The following ITSN1 variants were observed in gnomAD, a reference collection of about 807,000 sequenced individuals.
ITSN1 encodes the protein intersectin-1.
A neutral mutation model predicts 239.8 loss-of-function variants in ITSN1; 58 were observed. The ratio of observed to expected loss-of-function variants is 0.24; its 90% confidence interval spans 0.20 to 0.30. The LOEUF is 0.30. Ranked by LOEUF, ITSN1 falls within the 10% of genes least tolerant of loss-of-function variation. The probability of loss-of-function intolerance (pLI) is 1.00; values close to 1 mark genes in which losing one functional copy is unlikely to be tolerated. For missense variants in ITSN1, 1,558 were observed against 2,103.3 expected (o/e 0.74, Z 5.07); for synonymous variants, 780 against 770.8 (o/e 1.01, Z -0.20).
intron 1 of ITSN1, among the ~76,000 whole-genome samples, chr21:33,706,813 T>G (rs965633140): frequency 5.3e-5 from 8 of 152,120 alleles, no homozygotes; most frequent in South Asian, 4.2e-4. Context: ...ACCTCTGCCT[T>G]CTGGGTTCAA....
rs1216174168 is a variant in ITSN1, at chr21:33,818,451, G to C, written c.2912G>C (p.Gly971Ala). Residue 971 changes from glycine to alanine, a missense_variant, in exon 23 of 40, where the codon GGG (glycine) becomes GCG (alanine). By Grantham distance (60) the Gly-to-Ala change is moderately conservative. Transcript: ENST00000381318. ...FPKSYVKLIS[G>A]PIRKSTSMDS... Reference sequence around the variant, plus strand: ...AAGTCTTACGTGAAACTCATTTCAGGGCCCATAAGGAAGTCTACAAGGTAT... The same window carrying C: ...AAGTCTTACGTGAAACTCATTTCAGCGCCCATAAGGAAGTCTACAAGGTAT... 3.1e-6 allele frequency: 5 copies of C among 1,614,020 alleles called. No homozygotes were observed. Among genetic ancestry groups the C allele is most frequent in the Non-Finnish European group, 4.2e-6 (5 of 1,179,936 alleles).
intron 4 of ITSN1, among the ~76,000 whole-genome samples, chr21:33,725,896 A>C (rs2065804952): frequency 1.3e-5 from 2 of 152,246 alleles, no homozygotes; most frequent in Non-Finnish European, 2.9e-5. Flanking sequence ...TTATGAGTTT[A>C]GCAAGATCTG....
intron 27 of ITSN1, among the ~76,000 whole-genome samples, chr21:33,833,571 A>G (rs2074418849): frequency 6.6e-6 from 1 of 152,332 alleles, no homozygotes; most frequent in East Asian, 1.9e-4. Flanking sequence ...TGGCTCATAA[A>G]AAGTACTCAG....
intron 11 of ITSN1, among the ~76,000 whole-genome samples, chr21:33,771,840 A>T (rs2069186796): frequency 6.6e-6 from 1 of 152,182 alleles, no homozygotes; most frequent in Non-Finnish European, 1.5e-5. Flanking sequence ...ACTGCTAGAT[A>T]AGGATCTTTT....
intron 19 of ITSN1, among the ~76,000 whole-genome samples, chr21:33,800,307 A>G (rs2148070446): frequency 6.6e-6 from 1 of 151,888 alleles, no homozygotes; most frequent in Non-Finnish European, 1.5e-5. Flanking sequence ...GTGTATATAT[A>G]TGTGTATGTA....
intron 1 of ITSN1, among the ~76,000 whole-genome samples, chr21:33,655,744 C>G (rs1034803275): frequency 1.3e-5 from 2 of 151,986 alleles, no homozygotes; most frequent in African/African-American, 4.8e-5. Context: ...TGAAACAAGA[C>G]TCTAAAGTGT....
In ITSN1 at chr21:33,894,341, T is replaced by C. The variant is rs1986564439; in HGVS notation, c.*6041T>C. The C allele has an allele frequency of 1.3e-5, 2 of 152,250 alleles. No individual in the cohort carries two copies. The highest frequency in any genetic ancestry group is 6.5e-5 in the Admixed American group (1 of 15,280). 9.4% of individuals were successfully genotyped at this position (152,250 alleles called of 1,614,324 possible). A position where few individuals can be genotyped will look rare whatever the true frequency, so the allele number is the denominator to read the frequency against. On this transcript the variant is annotated 3_prime_UTR_variant, in exon 40 of 40. Transcript: ENST00000381318. ...TATTACACCCACATCATAATTTTTCTGACACTATGTGTGCTTGTCAAATTT... is the reference window on the plus strand; with the variant it reads ...TATTACACCCACATCATAATTTTTCCGACACTATGTGTGCTTGTCAAATTT...
chr21:33,655,853 A>G (rs1488047932), intron 1 of ITSN1, among the ~76,000 whole-genome samples: 1 of 152,124 alleles, frequency 6.6e-6, no homozygotes, highest in Non-Finnish European at 1.5e-5. Context: ...GTCATGTATC[A>G]GGAATCCTTA....
intron 1 of ITSN1, among the ~76,000 whole-genome samples, chr21:33,652,827 A>G (rs939608161): frequency 1.3e-5 from 2 of 152,042 alleles, no homozygotes; most frequent in African/African-American, 2.4e-5. Flanking sequence ...AGTTCCAGCA[A>G]TGTTTTGGTC....
chr21:33,867,430 C>G (rs73900386), intron 33 of ITSN1, 99 bp downstream of exon 33: 1 of 745,002 alleles, frequency 1.3e-6, no homozygotes, highest in Non-Finnish European at 2.4e-6. Flanking sequence ...TATCTGGTAA[C>G]TGTTGTGTAG....
At chr21:33,710,019 C>A (rs964678178) in intron 1 of ITSN1, among the ~76,000 whole-genome samples, 65 of 151,880 alleles carry the variant, frequency 4.3e-4, no homozygotes, top group South Asian at 1.0e-3. Context: ...GTTCATGGAT[C>A]CCCTATATCT....
At chr21:33,812,237 A>T (rs1245404223) in intron 21 of ITSN1, among the ~76,000 whole-genome samples, 6 of 152,204 alleles carry the variant, frequency 3.9e-5, no homozygotes, top group African/African-American at 1.4e-4. Flanking sequence ...TGAGTTTTTA[A>T]ACTAAAGCTT....
At chr21:33,675,373 C>T (rs2090530109) in intron 1 of ITSN1, among the ~76,000 whole-genome samples, 1 of 151,888 alleles carries the variant, frequency 6.6e-6, no homozygotes, top group African/African-American at 2.4e-5. Flanking sequence ...ACCGTCCTAG[C>T]CAACACGGTG....
At chr21:33,674,039 T>G (rs2090454417) in intron 1 of ITSN1, among the ~76,000 whole-genome samples, 1 of 152,212 alleles carries the variant, frequency 6.6e-6, no homozygotes, top group Admixed American at 6.5e-5. Context: ...TGGTTGAATG[T>G]TTGATTGTAT....
At chr21:33,878,089 G>A (rs1209688313) in intron 34 of ITSN1, among the ~76,000 whole-genome samples, 9 of 151,412 alleles carry the variant, frequency 5.9e-5, no homozygotes. Flanking sequence ...AGGCTGGAGT[G>A]CAGTGGCACA....
intron 22 of ITSN1, chr21:33,817,446 G>A: frequency 7.7e-7 from 1 of 1,304,418 alleles, no homozygotes; most frequent in Non-Finnish European, 1.0e-6. Context: ...AATTTACGCT[G>A]ATGCCCCCAG....
At chr21:33,766,423 C>T (rs2068722656) in intron 10 of ITSN1, among the ~76,000 whole-genome samples, 1 of 152,136 alleles carries the variant, frequency 6.6e-6, no homozygotes, top group Non-Finnish European at 1.5e-5. Context: ...ATCAGGAAGA[C>T]AAAGAAAATT....
At chr21:33,807,499 G>A (rs1012234995) in intron 20 of ITSN1, among the ~76,000 whole-genome samples, 3 of 152,128 alleles carry the variant, frequency 2.0e-5, no homozygotes, top group Admixed American at 1.3e-4. Flanking sequence ...CACCACGCCC[G>A]GCTAATTTTT....
chr21:33,772,743 A>G (rs1244803817), intron 12 of ITSN1, among the ~76,000 whole-genome samples: 1 of 152,096 alleles, frequency 6.6e-6, no homozygotes. Flanking sequence ...GGTATACCAC[A>G]TTTTTTAATT....
Sources: gnomAD v4.1 joint callset for allele counts (sites outside exome capture counted in the v4.1 genomes callset) on GRCh38, gnomAD v4.1.1 for gene constraint, MANE v1.5 for transcripts, NCBI Gene and HGNC (gene_info 2026-07-23, HGNC 2026-07-21) for gene names.